Variants in ANKS1B observed in about 807,000 individuals in gnomAD.
The protein encoded by ANKS1B is ankyrin repeat and sterile alpha motif domain containing 1B, also known as ankyrin repeat and sterile alpha motif domain-containing protein 1B.
A neutral mutation model predicts 148.3 loss-of-function variants in ANKS1B; 36 were observed. The ratio of observed to expected loss-of-function variants is 0.24; its 90% CI spans 0.19 to 0.32. ANKS1B has a LOEUF of 0.32. ANKS1B is among the 10% of genes least tolerant of loss of function. The pLI is 1.00. For missense variants in ANKS1B, 1,157 were observed against 1,542.6 expected, an observed-to-expected ratio of 0.75 and a Z score of 4.19; for synonymous variants, 542 against 560.8, an observed-to-expected ratio of 0.97 and a Z score of 0.47.
chr12:99,488,734 C>A (rs2096526982), intron 10 of ANKS1B, among the ~76,000 whole-genome samples: 1 of 152,156 alleles, frequency 6.6e-6, no homozygotes, highest in African/African-American at 2.4e-5. Context: ...CTATTCAAGT[C>A]CCACTTTCTA....
chr12:98,754,298 G>T (rs2098176010), intron 25 of ANKS1B, among the ~76,000 whole-genome samples: 1 of 152,200 alleles, frequency 6.6e-6, no homozygotes, highest in Admixed American at 6.5e-5. Context: ...CTGGGAGACA[G>T]CTCTGACCAT....
intron 25 of ANKS1B, among the ~76,000 whole-genome samples, chr12:98,762,486 C>A (rs926564490): frequency 6.6e-6 from 1 of 152,204 alleles, no homozygotes; most frequent in African/African-American, 2.4e-5. Flanking sequence ...ACGGGCTGCC[C>A]TTCATCTCAG....
intron 12 of ANKS1B, among the ~76,000 whole-genome samples, chr12:99,250,973 G>A (rs963192335): frequency 2.0e-5 from 3 of 152,144 alleles, no homozygotes; most frequent in Non-Finnish European, 4.4e-5. Context: ...CAGATTTGGT[G>A]TCAGGAGAGG....
At chr12:99,402,493 C>T (rs1186667373) in intron 11 of ANKS1B, among the ~76,000 whole-genome samples, 1 of 145,298 alleles carries the variant, frequency 6.9e-6, no homozygotes. Flanking sequence ...CTGATAGGCC[C>T]CAGTGTGTGT....
intron 16 of ANKS1B, among the ~76,000 whole-genome samples, chr12:99,060,371 G>T (rs1011167248): frequency 7.2e-5 from 11 of 151,994 alleles, no homozygotes; most frequent in African/African-American, 2.4e-4. Flanking sequence ...GTTTGAGGGG[G>T]TCAGCTACGG....
At chr12:99,102,616 C>A (rs968000614) in intron 15 of ANKS1B, among the ~76,000 whole-genome samples, 1 of 152,312 alleles carries the variant, frequency 6.6e-6, no homozygotes, top group Middle Eastern at 3.4e-3. Flanking sequence ...TGGTGGCATG[C>A]ACCTGTAGTC....
intron 14 of ANKS1B, among the ~76,000 whole-genome samples, chr12:99,185,873 G>C (rs2079772218): frequency 6.6e-6 from 1 of 152,148 alleles, no homozygotes; most frequent in African/African-American, 2.4e-5. Context: ...CAGTGGCCCT[G>C]GAACACCAGC....
intron 9 of ANKS1B, among the ~76,000 whole-genome samples, chr12:99,633,505 A>T (rs2098195834): frequency 6.6e-6 from 1 of 152,236 alleles, no homozygotes; most frequent in Non-Finnish European, 1.5e-5. Context: ...TTAAAGACTT[A>T]AATGTTAGAC....
intron 17 of ANKS1B, among the ~76,000 whole-genome samples, chr12:99,024,372 T>C (rs2153447048): frequency 6.6e-6 from 1 of 152,350 alleles, no homozygotes; most frequent in Middle Eastern, 3.4e-3. Flanking sequence ...TATAATGTGC[T>C]GTCATTGCAT....
chr12:99,233,078 G>A (rs1040625166), intron 14 of ANKS1B, among the ~76,000 whole-genome samples: 1 of 151,824 alleles, frequency 6.6e-6, no homozygotes, highest in African/African-American at 2.4e-5. Flanking sequence ...TAAAAATATT[G>A]TATAAAATTA....
intron 17 of ANKS1B, among the ~76,000 whole-genome samples, chr12:98,875,806 A>C (rs956285130): frequency 6.6e-6 from 1 of 152,148 alleles, no homozygotes; most frequent in East Asian, 1.9e-4. Context: ...TAAAAAGTGC[A>C]TTGGTTTTGT....
chr12:99,126,495 C>A (rs1004042952), intron 15 of ANKS1B, among the ~76,000 whole-genome samples: 1 of 152,048 alleles, frequency 6.6e-6, no homozygotes, highest in Non-Finnish European at 1.5e-5. Flanking sequence ...ATAATAGAGT[C>A]TCCCCCTCCC....
intron 9 of ANKS1B, among the ~76,000 whole-genome samples, chr12:99,632,843 T>A (rs1355420685): frequency 6.9e-6 from 1 of 144,906 alleles, no homozygotes; most frequent in Non-Finnish European, 1.5e-5. Flanking sequence ...ATGTGCCATG[T>A]TGGTGTCCTG....
intron 22 of ANKS1B, among the ~76,000 whole-genome samples, chr12:98,798,123 ATTT>A (rs10714780): frequency 6.3e-5 from 9 of 142,970 alleles, no homozygotes; most frequent in Non-Finnish European, 1.1e-4. Context: ...TGGAATTGCC[ATTT>A]TTTTTTTTTT....
intron 1 of ANKS1B, among the ~76,000 whole-genome samples, chr12:99,928,683 A>G (rs982669672): frequency 6.6e-6 from 1 of 152,248 alleles, no homozygotes; most frequent in Non-Finnish European, 1.5e-5. Flanking sequence ...GCTAAGTAGC[A>G]TAATTGTGAA....
chr12:99,052,335 C>T (rs2099966654), intron 17 of ANKS1B, among the ~76,000 whole-genome samples: 1 of 152,180 alleles, frequency 6.6e-6, no homozygotes, highest in Admixed American at 6.5e-5. Context: ...TAAGATTAGA[C>T]ACTAGCTTCA....
intron 9 of ANKS1B, among the ~76,000 whole-genome samples, chr12:99,539,252 C>T (rs1478424935): frequency 1.3e-5 from 2 of 152,218 alleles, no homozygotes; most frequent in South Asian, 2.1e-4. Context: ...CTTTTCACCA[C>T]CCTTATGCCT....
chr12:99,744,969 G>T (rs1402574927), intron 8 of ANKS1B, among the ~76,000 whole-genome samples: 1 of 121,946 alleles, frequency 8.2e-6, no homozygotes, highest in Non-Finnish European at 1.6e-5. Context: ...TCCAGCCTAG[G>T]TGACAGAGTG....
intron 16 of ANKS1B, among the ~76,000 whole-genome samples, chr12:99,065,146 T>A (rs543214084): frequency 3.3e-5 from 5 of 152,158 alleles, no homozygotes; most frequent in Non-Finnish European, 7.3e-5. Flanking sequence ...TCTCTTTTTT[T>A]CTCTGACAGT....
Sources: gnomAD v4.1 joint callset for allele counts (sites outside exome capture counted in the v4.1 genomes callset) on GRCh38, gnomAD v4.1.1 for gene constraint, MANE v1.5 for transcripts, NCBI Gene and HGNC (gene_info 2026-07-23, HGNC 2026-07-21) for gene names.